RPS6KA2: variants seen among roughly 807,000 people sequenced by gnomAD.
RPS6KA2 encodes the protein ribosomal protein S6 kinase alpha-2.
A neutral mutation model predicts 91.8 loss-of-function variants in RPS6KA2; 42 were observed. The observed-to-expected ratio is 0.46, with a 90% confidence interval of 0.36 to 0.59. RPS6KA2 has a LOEUF of 0.59. RPS6KA2 is among the 20% of genes least tolerant of loss of function. The pLI, the probability that RPS6KA2 is intolerant of heterozygous loss-of-function variation, is 0.00. For synonymous variants in RPS6KA2, 414 were observed against 393.6 expected, an observed-to-expected ratio of 1.05 and a Z score of -0.61; for missense variants, 798 against 978.5, an observed-to-expected ratio of 0.82 and a Z score of 2.46.
At chr6:166,449,289 C>T (rs764502082) in intron 13 of RPS6KA2, among the ~76,000 whole-genome samples, 15 of 151,870 alleles carry the variant, frequency 9.9e-5, no homozygotes, top group Non-Finnish European at 1.9e-4. Flanking sequence ...CATGCAGCAG[C>T]CCCACCCACC....
chr6:166,464,209 C>T (rs1265594437), intron 11 of RPS6KA2, among the ~76,000 whole-genome samples: 1 of 152,122 alleles, frequency 6.6e-6, no homozygotes, highest in Non-Finnish European at 1.5e-5. Context: ...CGGAACCCAC[C>T]CTCTGCTCCT....
intron 2 of RPS6KA2, among the ~76,000 whole-genome samples, chr6:166,632,940 C>G (rs1053292305): frequency 1.3e-5 from 2 of 152,150 alleles, no homozygotes; most frequent in Non-Finnish European, 2.9e-5. Flanking sequence ...CGGGGCCGGG[C>G]GCAGGGGCTC....
At position 166,586,903 on chromosome 6, in the gene RPS6KA2, G is replaced by A. The variant is rs574612400; in HGVS notation, c.99+40018C>T. Reference sequence around the variant, plus strand: ...GGCTCCCCTCAGCTGCCTCCCAGTGGGGACTACATTACCCAGCCCTCCTTG... The same window carrying A: ...GGCTCCCCTCAGCTGCCTCCCAGTGAGGACTACATTACCCAGCCCTCCTTG... On this transcript the variant is annotated intron_variant, in intron 1 of 20. Coordinates refer to ENST00000265678, the MANE Select transcript of RPS6KA2 (RefSeq NM_021135.6). 3.0e-4 allele frequency among the ~76,000 whole-genome samples: 46 copies of A among 152,292 alleles called. No individual in the cohort carries two copies. In the South Asian group the frequency reaches 7.3e-3, roughly 24 times the overall value.
chr6:166,773,942 TCAGA>T (rs754817442), intron 2 of RPS6KA2, among the ~76,000 whole-genome samples: 2 of 152,228 alleles, frequency 1.3e-5, no homozygotes, highest in Non-Finnish European at 2.9e-5. Flanking sequence ...ATGGACGTGG[TCAGA>T]CAAATATTTT....
At chr6:166,413,231 G>T (rs906443513) in intron 20 of RPS6KA2, among the ~76,000 whole-genome samples, 2 of 152,148 alleles carry the variant, frequency 1.3e-5, no homozygotes, top group African/African-American at 4.8e-5. Flanking sequence ...TCTGTTTTGG[G>T]GCTCGCTGGG....
At chr6:166,561,808 C>A (rs747992190) in intron 1 of RPS6KA2, among the ~76,000 whole-genome samples, 7 of 152,148 alleles carry the variant, frequency 4.6e-5, no homozygotes, top group African/African-American at 1.7e-4. Context: ...GTTGGACAAG[C>A]CTGGTTTACA....
chr6:166,861,571 T>G (rs1416802835), intron 1 of RPS6KA2, among the ~76,000 whole-genome samples: 1 of 152,232 alleles, frequency 6.6e-6, no homozygotes, highest in African/African-American at 2.4e-5. Flanking sequence ...TTCATTATCT[T>G]TTCTGTTTAT....
Position 166,493,655 on chromosome 6 carries a change from G to C in RPS6KA2, c.748-2914C>G, listed in dbSNP as rs1781683599. On this transcript the variant is annotated intron_variant, in intron 8 of 20. Coordinates refer to ENST00000265678, the MANE Select transcript of RPS6KA2 (RefSeq NM_021135.6). This position sits in a 1 kb window ranked among gnomAD's most constrained non-coding sequence, Gnocchi z 4.7. ...AGGAGATGTAGCCAAAGCTCCACCG[G>C]GTGCAGGCCCGATGCTTCTGGGAAG... Among the ~76,000 whole-genome samples the C allele has an allele frequency of 6.6e-6, 1 of 151,952 alleles. No homozygotes were observed. The highest frequency in any genetic ancestry group is 1.5e-5 in the Non-Finnish European group (1 of 67,970).
intron 2 of RPS6KA2, among the ~76,000 whole-genome samples, chr6:166,785,317 C>A (rs1293811967): frequency 2.0e-5 from 3 of 152,230 alleles, no homozygotes; most frequent in Non-Finnish European, 4.4e-5. Context: ...GGCAGGTCAC[C>A]CAGTTCTGCC....
At chr6:166,531,427 T>G in intron 2 of RPS6KA2, 114 bp from the exon 3 acceptor site, 1 of 795,604 alleles carries the variant, frequency 1.3e-6, no homozygotes, top group Middle Eastern at 2.4e-4. Context: ...ATAAAACAAG[T>G]ACACTGGTGA....
chr6:166,553,470 C>T (rs1437602691), intron 1 of RPS6KA2, among the ~76,000 whole-genome samples: 1 of 147,776 alleles, frequency 6.8e-6, no homozygotes, highest in East Asian at 2.0e-4. Context: ...TTTCCTTAAA[C>T]TCCTTAATGC....
intron 7 of RPS6KA2, among the ~76,000 whole-genome samples, chr6:166,498,967 C>T (rs1781905938): frequency 6.6e-6 from 1 of 152,142 alleles, no homozygotes; most frequent in South Asian, 2.1e-4. Context: ...CCCTTTTCCA[C>T]AGGCACGTGG....
chr6:166,438,890 C>T (rs1279616837), intron 14 of RPS6KA2, among the ~76,000 whole-genome samples: 2 of 152,238 alleles, frequency 1.3e-5, no homozygotes, highest in African/African-American at 4.8e-5. Flanking sequence ...CCTTGCCCTG[C>T]GTCTGTTGCA....
intron 2 of RPS6KA2, among the ~76,000 whole-genome samples, chr6:166,687,748 C>T (rs182016422): frequency 1.9e-4 from 29 of 152,340 alleles, no homozygotes; most frequent in Non-Finnish European, 3.5e-4. Context: ...TTAAATGAAG[C>T]GCAGCATTGC....
intron 2 of RPS6KA2, among the ~76,000 whole-genome samples, chr6:166,768,460 C>T (rs1160626940): frequency 6.6e-6 from 1 of 152,182 alleles, no homozygotes; most frequent in Non-Finnish European, 1.5e-5. Flanking sequence ...TCCTGGTGAG[C>T]GGCCCAATGT....
In RPS6KA2 at chr6:166,626,595, C is replaced by CAG. The variant is rs1786886478; in HGVS notation, c.99+324_99+325dup. 6.6e-6 allele frequency among the ~76,000 whole-genome samples: 1 copy of CAG among 152,174 alleles called. No individual in the cohort carries two copies. ...TCCGCGCCACTCGGCGGTCTAGCTGCAGAGAAAGCCCCTCCTCACCCGGGG... is the reference window on the plus strand; with the variant it reads ...TCCGCGCCACTCGGCGGTCTAGCTGCAGAGAGAAAGCCCCTCCTCACCCGGGG... On this transcript the variant is annotated intron_variant, in intron 1 of 20. Coordinates refer to ENST00000265678, the MANE Select transcript of RPS6KA2 (RefSeq NM_021135.6). The surrounding 1 kb of genome is among the most constrained non-coding windows in gnomAD (Gnocchi z 4.1).
intron 2 of RPS6KA2, among the ~76,000 whole-genome samples, chr6:166,735,159 G>T (rs1790641104): frequency 1.3e-5 from 2 of 152,200 alleles, no homozygotes; most frequent in African/African-American, 2.4e-5. Context: ...GCTGGAAGGG[G>T]CATCCTCCTG....
intron 2 of RPS6KA2, among the ~76,000 whole-genome samples, chr6:166,705,023 C>T (rs1789637855): frequency 6.6e-6 from 1 of 152,218 alleles, no homozygotes; most frequent in South Asian, 2.1e-4. Flanking sequence ...CAAAGCCTTG[C>T]TCTCTGCAGT....
At chr6:166,464,060 G>T (rs1429286388) in intron 11 of RPS6KA2, among the ~76,000 whole-genome samples, 2 of 152,166 alleles carry the variant, frequency 1.3e-5, no homozygotes, top group Non-Finnish European at 2.9e-5. Flanking sequence ...GCTGGCAATG[G>T]GAGCAACAGC....
Sources: allele counts gnomAD v4.1 joint callset (sites outside exome capture counted in the v4.1 genomes callset), GRCh38; gene constraint gnomAD v4.1.1; non-coding constraint Gnocchi (gnomAD v3.1); transcripts MANE v1.5; gene names NCBI Gene and HGNC (gene_info 2026-07-23, HGNC 2026-07-21).